SHISA9: variants seen among roughly 807,000 people sequenced by gnomAD.
SHISA9 encodes protein shisa-9.
SHISA9 carries 13 observed loss-of-function variants against 38.0 expected under a neutral mutation model. The observed-to-expected ratio is 0.34, with a 90% CI of 0.22 to 0.54. SHISA9 has a LOEUF of 0.54. Among genes scored for constraint, SHISA9 ranks in the 20% least tolerant of loss-of-function variants. The pLI, the probability that SHISA9 is intolerant of heterozygous loss-of-function variation, is 0.91. For missense variants in SHISA9, 538 were observed against 575.8 expected, an observed-to-expected ratio of 0.93 and a Z score of 0.67; for synonymous variants, 275 against 242.0, an observed-to-expected ratio of 1.14 and a Z score of -1.27.
chr16:13,167,091 A>G (rs1316203378), intron 2 of SHISA9, among the ~76,000 whole-genome samples: 1 of 52,372 alleles, frequency 1.9e-5, no homozygotes, highest in Non-Finnish European at 3.5e-5. Context: ...TTTTTTTTTG[A>G]GACAGAGTTT....
intron 2 of SHISA9, among the ~76,000 whole-genome samples, chr16:13,030,805 A>T (rs1056705771): frequency 6.6e-6 from 1 of 152,224 alleles, no homozygotes. Flanking sequence ...GTCAAATTCT[A>T]CAAAAGCATT....
At chr16:13,407,281 C>T in the SHISA9 span, among the ~76,000 whole-genome samples, 128 of 152,058 alleles carry the variant, frequency 8.4e-4, no homozygotes, top group Non-Finnish European at 3.5e-4. Context: ...TGGCTTCCCT[C>T]TGGCTGTATC....
chr16:13,423,906 G>A, the SHISA9 span, among the ~76,000 whole-genome samples: 1 of 152,162 alleles, frequency 6.6e-6, no homozygotes, highest in Non-Finnish European at 1.5e-5. Context: ...CCATTATCAA[G>A]CCAACAAGGA....
intron 1 of SHISA9, among the ~76,000 whole-genome samples, chr16:12,915,994 T>TG (rs1567337777): frequency 5.4e-4 from 50 of 93,314 alleles, no homozygotes; most frequent in East Asian, 2.9e-3. Flanking sequence ...GAGTTTTTTT[T>TG]TTGTGTGTGT....
intron 4 of SHISA9, among the ~76,000 whole-genome samples, chr16:13,214,554 C>T (rs976605236): frequency 6.6e-6 from 1 of 152,014 alleles, no homozygotes; most frequent in African/African-American, 2.4e-5. Flanking sequence ...GGAGACATTG[C>T]CAGGATATCA....
the SHISA9 span, among the ~76,000 whole-genome samples, chr16:13,560,989 G>A: frequency 1.3e-5 from 2 of 151,928 alleles, no homozygotes; most frequent in Non-Finnish European, 2.9e-5. Flanking sequence ...TCAGCCTCCC[G>A]AGTAGCTGGG....
intron 2 of SHISA9, among the ~76,000 whole-genome samples, chr16:13,060,336 G>A (rs891197222): frequency 4.6e-5 from 7 of 152,088 alleles, no homozygotes; most frequent in Non-Finnish European, 1.0e-4. Flanking sequence ...CCTTTGGAAG[G>A]AGCAGACTGG....
the SHISA9 span, among the ~76,000 whole-genome samples, chr16:13,291,308 A>G: frequency 2.0e-5 from 3 of 152,202 alleles, no homozygotes; most frequent in Non-Finnish European, 4.4e-5. Context: ...ACCCCAGGTG[A>G]AGGGAAACAA....
At chr16:13,516,216 TGAAGCAAGATG>T in the SHISA9 span, among the ~76,000 whole-genome samples, 1 of 152,190 alleles carries the variant, frequency 6.6e-6, no homozygotes, top group Non-Finnish European at 1.5e-5. Flanking sequence ...CTTCTTACAG[TGAAGCAAGATG>T]GAAAATAAAT....
At chr16:13,220,639 G>A (rs1044954608) in intron 4 of SHISA9, among the ~76,000 whole-genome samples, 6 of 152,106 alleles carry the variant, frequency 3.9e-5, no homozygotes, top group Non-Finnish European at 8.8e-5. Flanking sequence ...AGGATGATTG[G>A]AAGACAGACC....
At chr16:13,167,360 G>A (rs1156347557) in intron 2 of SHISA9, among the ~76,000 whole-genome samples, 2 of 152,054 alleles carry the variant, frequency 1.3e-5, no homozygotes, top group African/African-American at 4.8e-5. Context: ...GCGTGAGCCA[G>A]TGCACCCGGC....
chr16:13,239,778 G>T lies in SHISA9; in HGVS notation c.*4369G>T, dbSNP rs1035199771. 2 of 151,926 alleles carry T rather than the reference G, an allele frequency of 1.3e-5. No homozygotes were observed. The highest frequency in any genetic ancestry group is 3.9e-4 in the East Asian group (2 of 5,168). The allele number at this position is 151,926 out of a possible 1,614,324, so 9.4% of individuals were successfully genotyped here. The stretch of plus-strand genomic sequence containing the variant: ...GGTTGCGAAAATTTTCTCCCATTTT[G>T]TAGGTTGCCTGTTCACTCTGATGGT... On this transcript the variant is annotated 3_prime_UTR_variant, in exon 5 of 5. Transcript: ENST00000558583.
At chr16:13,416,629 T>C in the SHISA9 span, among the ~76,000 whole-genome samples, 1 of 152,020 alleles carries the variant, frequency 6.6e-6, no homozygotes, top group South Asian at 2.1e-4. Context: ...GGAGGATTGC[T>C]TGAATCCAGG....
intron 2 of SHISA9, among the ~76,000 whole-genome samples, chr16:13,034,262 T>C (rs374318781): frequency 6.6e-6 from 1 of 152,138 alleles, no homozygotes; most frequent in Non-Finnish European, 1.5e-5. Context: ...GAGGGAAAGA[T>C]TCAGGAATGG....
the SHISA9 span, among the ~76,000 whole-genome samples, chr16:13,493,857 T>G: frequency 6.6e-6 from 1 of 152,152 alleles, no homozygotes; most frequent in African/African-American, 2.4e-5. Context: ...AGTGGATCAA[T>G]ACATACATTA....
chr16:13,070,489 C>T (rs931061918), intron 2 of SHISA9, among the ~76,000 whole-genome samples: 2 of 152,150 alleles, frequency 1.3e-5, no homozygotes, highest in Admixed American at 1.3e-4. Context: ...GGACATTCTC[C>T]GGGATACAAA....
intron 2 of SHISA9, among the ~76,000 whole-genome samples, chr16:13,096,119 C>G (rs1259554632): frequency 6.6e-6 from 1 of 152,188 alleles, no homozygotes; most frequent in Non-Finnish European, 1.5e-5. Flanking sequence ...TCCTTTAAGC[C>G]TCTATTTCTA....
chr16:13,241,902 C>T (rs1169423464), downstream of SHISA9, among the ~76,000 whole-genome samples: 1 of 152,160 alleles, frequency 6.6e-6, no homozygotes, highest in Non-Finnish European at 1.5e-5. Flanking sequence ...TGGAGTCACT[C>T]ACATCAGAGC....
chr16:13,135,290 T>G (rs1342305815), intron 2 of SHISA9, among the ~76,000 whole-genome samples: 1 of 152,192 alleles, frequency 6.6e-6, no homozygotes. Context: ...TTATCACTAG[T>G]TTTGGTAATT....
Sources: gnomAD v4.1 joint callset for allele counts (sites outside exome capture counted in the v4.1 genomes callset) on GRCh38, gnomAD v4.1.1 for gene constraint, MANE v1.5 for transcripts, NCBI Gene and HGNC (gene_info 2026-07-23, HGNC 2026-07-21) for gene names.